The following NDUFA10 variants were observed in gnomAD, a reference collection of about 807,000 sequenced individuals.
NDUFA10 encodes NADH dehydrogenase [ubiquinone] 1 alpha subcomplex subunit 10, mitochondrial.
A neutral mutation model predicts 47.8 loss-of-function variants in NDUFA10; 40 were observed. The observed-to-expected ratio is 0.84, with a 90% CI of 0.65 to 1.09. The LOEUF is 1.09. Ranked by LOEUF, NDUFA10 falls within the 50% of genes least tolerant of loss-of-function variation. NDUFA10 has a pLI of 0.00. For synonymous variants in NDUFA10, 183 were observed against 172.2 expected, an observed-to-expected ratio of 1.06 and a Z score of -0.49; for missense variants, 413 against 451.1, an observed-to-expected ratio of 0.92 and a Z score of 0.76.
chr2:239,923,914 G>A (rs1366984712), intron 4 of NDUFA10, among the ~76,000 whole-genome samples: 1 of 152,032 alleles, frequency 6.6e-6, no homozygotes, highest in Non-Finnish European at 1.5e-5. Context: ...AATGAAACAG[G>A]TGATATTACT....
At chr2:239,923,783 G>A (rs972889497) in intron 4 of NDUFA10, among the ~76,000 whole-genome samples, 4 of 151,800 alleles carry the variant, frequency 2.6e-5, no homozygotes, top group African/African-American at 9.7e-5. Flanking sequence ...ATTGAAAACA[G>A]AAAAATAAGG....
Position 240,021,179 on chromosome 2 carries a change from T to C in NDUFA10, c.460+18A>G. 6.2e-7 allele frequency: 1 copy of C among 1,604,026 alleles called. No individual in the cohort carries two copies. Among genetic ancestry groups the C allele is most frequent in the Non-Finnish European group, 8.5e-7 (1 of 1,170,990 alleles). On this transcript the variant is annotated intron_variant, in intron 3 of 9. Transcript: ENST00000252711. ...TGTTCAAGTACAGAACAGATCTAAC[T>C]GCCCAGAAATACTGCACCTGTGGTC...
intron 4 of NDUFA10, among the ~76,000 whole-genome samples, chr2:239,896,333 AT>A (rs1693395925): frequency 1.3e-5 from 2 of 152,258 alleles, no homozygotes; most frequent in African/African-American, 2.4e-5. Flanking sequence ...CTGGCCGAGC[AT>A]TAAGCCCAGC....
chr2:240,004,402 TC>T (rs1696855621), intron 8 of NDUFA10, among the ~76,000 whole-genome samples: 1 of 151,868 alleles, frequency 6.6e-6, no homozygotes, highest in Admixed American at 6.6e-5. Context: ...TGGATATAAG[TC>T]ATATCGTATT....
chr2:240,008,787 T>C (rs1574882124), intron 6 of NDUFA10, among the ~76,000 whole-genome samples: 1 of 152,230 alleles, frequency 6.6e-6, no homozygotes, highest in Non-Finnish European at 1.5e-5. Flanking sequence ...ACAGGGCTCC[T>C]GCCCTTAATG....
chr2:239,939,608 A>G (rs1694326267), intron 4 of NDUFA10, among the ~76,000 whole-genome samples: 1 of 152,258 alleles, frequency 6.6e-6, no homozygotes, highest in African/African-American at 2.4e-5. Flanking sequence ...TATTCAAGAA[A>G]TGGTGAGAGG....
At chr2:239,903,972 T>G (rs576075319) in intron 4 of NDUFA10, among the ~76,000 whole-genome samples, 1 of 152,208 alleles carries the variant, frequency 6.6e-6, no homozygotes, top group South Asian at 2.1e-4. Flanking sequence ...ATGGTAACAG[T>G]GGGGCAGCAC....
intron 9 of NDUFA10, among the ~76,000 whole-genome samples, chr2:239,974,478 C>G (rs577252867): frequency 6.6e-6 from 1 of 152,356 alleles, no homozygotes; most frequent in Admixed American, 6.5e-5. Flanking sequence ...ATGTCACCAG[C>G]ATGTTCATCA....
At chr2:240,009,183 C>G (rs950444268) in intron 6 of NDUFA10, among the ~76,000 whole-genome samples, 1 of 152,216 alleles carries the variant, frequency 6.6e-6, no homozygotes, top group African/African-American at 2.4e-5. Context: ...ACAATAAAGA[C>G]AGTTACAAAA....
rs376720127 is a variant in NDUFA10, at chr2:239,940,399, C to G, written c.295-45085G>C. 2.0e-3 allele frequency among the ~76,000 whole-genome samples: 306 copies of G among 152,302 alleles called. 1 individual carries two copies. Among genetic ancestry groups the G allele is most frequent in the Non-Finnish European group, 3.5e-3 (239 of 68,022 alleles). On this transcript the variant is annotated intron_variant, in intron 4 of 5. Coordinates refer to the NDUFA10 transcript ENST00000419408. Reference sequence around the variant, plus strand: ...CACTAATGACACTGTCACGGCTATTCCCAGCCTGGGGACAGAATGAGCCAC... The same window carrying G: ...CACTAATGACACTGTCACGGCTATTGCCAGCCTGGGGACAGAATGAGCCAC...
intron 9 of NDUFA10, among the ~76,000 whole-genome samples, chr2:239,967,942 C>A (rs547219468): frequency 6.6e-6 from 1 of 150,826 alleles, no homozygotes; most frequent in South Asian, 2.1e-4. Flanking sequence ...CTTCAAATGC[C>A]AGCTGTTCGC....
intron 8 of NDUFA10, among the ~76,000 whole-genome samples, chr2:239,999,711 C>A (rs148160000): frequency 1.1e-3 from 161 of 152,328 alleles, no homozygotes; most frequent in African/African-American, 3.8e-3. Context: ...CTGTTTCCTA[C>A]GAGGAACCTG....
At chr2:239,998,158 T>C (rs1696556076) in intron 8 of NDUFA10, among the ~76,000 whole-genome samples, 1 of 152,222 alleles carries the variant, frequency 6.6e-6, no homozygotes, top group South Asian at 2.1e-4. Context: ...TCAACCTTTG[T>C]TCCCGACTTT....
At chr2:240,004,851 T>G (rs979805594) in intron 8 of NDUFA10, among the ~76,000 whole-genome samples, 2 of 152,152 alleles carry the variant, frequency 1.3e-5, no homozygotes, top group Non-Finnish European at 2.9e-5. Flanking sequence ...TTACTCAGGG[T>G]TACTTCTCTC....
rs147360370 is a variant in NDUFA10, at chr2:239,971,590, A to G, written c.1000-10404T>C. 1.6e-3 allele frequency among the ~76,000 whole-genome samples: 241 copies of G among 152,306 alleles called. 2 individuals are homozygous for G. The highest frequency in any genetic ancestry group is 5.5e-3 in the African/African-American group (229 of 41,558). On this transcript the variant is annotated intron_variant, in intron 9 of 9. Transcript: ENST00000252711. ...CTTTTTACTAGTGTTATTTCCTGTG[A>G]CCCTGACAGCATGAGGTAAAGGAAG... is the stretch of plus-strand genomic sequence containing the variant.
chr2:239,978,616 C>T (rs1018514157), intron 9 of NDUFA10, among the ~76,000 whole-genome samples: 4 of 152,228 alleles, frequency 2.6e-5, no homozygotes, highest in African/African-American at 9.6e-5. Context: ...GCACTTCTGT[C>T]CCTCCCACCA....
At chr2:239,982,181 T>C in intron 9 of NDUFA10, 3 of 1,612,908 alleles carry the variant, frequency 1.9e-6, no homozygotes, top group African/African-American at 2.7e-5. Flanking sequence ...GACCCTCTCT[T>C]GTACTCTGCA....
intron 4 of NDUFA10, among the ~76,000 whole-genome samples, chr2:239,915,389 A>T (rs1693844230): frequency 1.0e-5 from 1 of 99,186 alleles, no homozygotes; most frequent in Non-Finnish European, 2.0e-5. Context: ...ACAGAGATAC[A>T]CATACATACA....
chr2:239,915,969 T>TAA (rs1693863748), intron 4 of NDUFA10, among the ~76,000 whole-genome samples: 1 of 44,092 alleles, frequency 2.3e-5, no homozygotes, highest in Non-Finnish European at 3.8e-5. Context: ...TACATGGACA[T>TAA]ACACACACAC....
Sources: gnomAD v4.1 joint callset for allele counts (sites outside exome capture counted in the v4.1 genomes callset) on GRCh38, gnomAD v4.1.1 for gene constraint, MANE v1.5 for transcripts, NCBI Gene and HGNC (gene_info 2026-07-23, HGNC 2026-07-21) for gene names.